The following GREM2 variants were observed in gnomAD, a reference collection of about 807,000 sequenced individuals.
The protein encoded by GREM2 is gremlin 2, DAN family BMP antagonist, also known as gremlin-2.
A neutral mutation model predicts 14.2 loss-of-function variants in GREM2; 11 were observed. That is an observed-to-expected ratio of 0.78 (90% confidence interval 0.49 to 1.28). The LOEUF is 1.28. GREM2 is among the 50% of genes most tolerant of loss of function. The pLI is 0.00. For missense variants in GREM2, 210 were observed against 218.5 expected, an observed-to-expected ratio of 0.96 and a Z score of 0.24; for synonymous variants, 98 against 97.6, an observed-to-expected ratio of 1.00 and a Z score of -0.02.
rs983889226 is a variant in GREM2, at chr1:240,491,473, C to T, written c.*1496G>A. 2 of 152,704 alleles carry T rather than the reference C, an allele frequency of 1.3e-5. No individual in the cohort carries two copies. Among genetic ancestry groups the T allele is most frequent in the Admixed American group, 6.5e-5 (1 of 15,298 alleles). 9.5% of individuals were successfully genotyped at this position (152,704 alleles called of 1,614,324 possible). A position where few individuals can be genotyped will look rare whatever the true frequency, so the allele number is the denominator to read the frequency against. ...GGAGCCCAGAAGAAGTATATAATTT[C>T]GCTGGAAAATAAGTTACGTCTACTT... On this transcript the variant is annotated 3_prime_UTR_variant, in exon 2 of 2. Transcript: ENST00000318160.
At chr1:240,532,045 T>A (rs544895374) in intron 1 of GREM2, among the ~76,000 whole-genome samples, 1 of 152,138 alleles carries the variant, frequency 6.6e-6, no homozygotes, top group South Asian at 2.1e-4. Flanking sequence ...TTTCCCTATA[T>A]AAAAAGTGAG....
In GREM2 at chr1:240,542,776, A is replaced by G. The variant is rs1237776779; in HGVS notation, c.-1-49300T>C. Among the ~76,000 whole-genome samples, 1 of 152,214 alleles carries G rather than the reference A, an allele frequency of 6.6e-6. No homozygotes were observed. The highest frequency in any genetic ancestry group is 1.5e-5 in the Non-Finnish European group (1 of 68,036). On this transcript the variant is annotated intron_variant, in intron 1 of 1. Coordinates refer to ENST00000318160, the MANE Select transcript of GREM2 (RefSeq NM_022469.4). This position sits in a 1 kb window ranked among gnomAD's most constrained non-coding sequence, Gnocchi z 4.1. The stretch of plus-strand genomic sequence containing the variant: ...AGATTATGAATCAAGCTTATCTGCA[A>G]TAAAACTTTGCTATGCTTCTGATTT...
At chr1:240,513,342 C>T (rs564683014) in intron 1 of GREM2, among the ~76,000 whole-genome samples, 31 of 152,008 alleles carry the variant, frequency 2.0e-4, no homozygotes, top group East Asian at 1.9e-3. Context: ...TTTGGGAGAC[C>T]GAGGCGGGCG....
chr1:240,500,730 A>G (rs554178856), intron 1 of GREM2, among the ~76,000 whole-genome samples: 3 of 152,354 alleles, frequency 2.0e-5, no homozygotes, highest in South Asian at 2.1e-4. Context: ...TGAATATTAA[A>G]GCACAGTTTA....
intron 1 of GREM2, among the ~76,000 whole-genome samples, chr1:240,562,625 A>G (rs1002624401): frequency 2.0e-5 from 3 of 152,178 alleles, no homozygotes; most frequent in East Asian, 1.9e-4. Flanking sequence ...GGGATTTCCA[A>G]TATCTCCAGA....
At chr1:240,499,274 C>G (rs1411174425) in intron 1 of GREM2, among the ~76,000 whole-genome samples, 6 of 152,190 alleles carry the variant, frequency 3.9e-5, no homozygotes, top group Non-Finnish European at 8.8e-5. Flanking sequence ...CCAAGAGTGG[C>G]CTTCTTGAGT....
At chr1:240,582,157 G>A (rs1679496952) in intron 1 of GREM2, among the ~76,000 whole-genome samples, 1 of 152,204 alleles carries the variant, frequency 6.6e-6, no homozygotes, top group African/African-American at 2.4e-5. Context: ...GTTTAGGATG[G>A]CCGGGCTCGA....
chr1:240,580,639 A>G (rs1427724818), intron 1 of GREM2, among the ~76,000 whole-genome samples: 1 of 152,168 alleles, frequency 6.6e-6, no homozygotes, highest in Admixed American at 6.5e-5. Flanking sequence ...CAGTGGCACA[A>G]TCATAGCTCA....
intron 1 of GREM2, among the ~76,000 whole-genome samples, chr1:240,511,686 G>C (rs900127377): frequency 6.6e-6 from 1 of 152,178 alleles, no homozygotes; most frequent in South Asian, 2.1e-4. Flanking sequence ...CTGAGAGGTG[G>C]AGTTTGCGGT....
intron 1 of GREM2, among the ~76,000 whole-genome samples, chr1:240,538,914 T>C (rs1678534165): frequency 6.6e-6 from 1 of 152,200 alleles, no homozygotes; most frequent in African/African-American, 2.4e-5. Context: ...GAACAATTTC[T>C]AGATATTGCA....
chr1:240,601,672 C>T (rs1018216183), intron 1 of GREM2, among the ~76,000 whole-genome samples: 6 of 152,034 alleles, frequency 3.9e-5, no homozygotes, highest in African/African-American at 1.2e-4. Context: ...TTTGAGAGGC[C>T]GAGGCGGGCA....
chr1:240,575,239 G>A (rs1029357080), intron 1 of GREM2, among the ~76,000 whole-genome samples: 6 of 152,060 alleles, frequency 3.9e-5, no homozygotes, highest in African/African-American at 1.4e-4. Context: ...TTCACCCCTC[G>A]GCCTTAGCTA....
intron 1 of GREM2, among the ~76,000 whole-genome samples, chr1:240,607,347 T>C (rs1298206276): frequency 6.6e-6 from 1 of 152,100 alleles, no homozygotes; most frequent in Non-Finnish European, 1.5e-5. Context: ...TCATAATTAC[T>C]AGATAACTCT....
intron 1 of GREM2, among the ~76,000 whole-genome samples, chr1:240,577,220 A>G (rs899465223): frequency 2.0e-5 from 3 of 152,200 alleles, no homozygotes; most frequent in Non-Finnish European, 2.9e-5. Context: ...CATTCCTGAA[A>G]ACTGACATGG....
Position 240,599,173 on chromosome 1 carries a change from C to G in GREM2, c.-2+12711G>C, listed in dbSNP as rs150256443. On this transcript the variant is annotated intron_variant, in intron 1 of 1. Transcript: ENST00000318160. Reference sequence around the variant, plus strand: ...GTCCCAGCTACTTGGGAGGCTGAGGCAGGAGAATTGCTTGAATCCAGGAGG... The same window carrying G: ...GTCCCAGCTACTTGGGAGGCTGAGGGAGGAGAATTGCTTGAATCCAGGAGG... 3.2e-3 allele frequency among the ~76,000 whole-genome samples: 488 copies of G among 151,048 alleles called. 3 individuals carry two copies. The highest frequency in any genetic ancestry group is 9.9e-3 in the African/African-American group (408 of 41,122).
chr1:240,497,950 G>T (rs535598005), intron 1 of GREM2, among the ~76,000 whole-genome samples: 7 of 152,140 alleles, frequency 4.6e-5, no homozygotes, highest in Non-Finnish European at 1.0e-4. Context: ...CCAAGAGTTT[G>T]CAAGTCCCAG....
intron 1 of GREM2, among the ~76,000 whole-genome samples, chr1:240,577,619 T>C (rs928835330): frequency 2.0e-5 from 3 of 152,212 alleles, no homozygotes; most frequent in African/African-American, 7.2e-5. Flanking sequence ...TTGAAAAATA[T>C]CATGAAACGT....
At chr1:240,521,316 C>T (rs548158447) in intron 1 of GREM2, among the ~76,000 whole-genome samples, 112 of 152,282 alleles carry the variant, frequency 7.4e-4, no homozygotes, top group Non-Finnish European at 1.2e-3. Flanking sequence ...CGCCTGTAAT[C>T]CCAGCACTTT....
At chr1:240,498,306 C>T (rs1487200096) in intron 1 of GREM2, among the ~76,000 whole-genome samples, 5 of 152,194 alleles carry the variant, frequency 3.3e-5, no homozygotes, top group Non-Finnish European at 7.3e-5. Context: ...GAGGAAATCT[C>T]GATGACTGGG....
Sources: allele counts gnomAD v4.1 joint callset (sites outside exome capture counted in the v4.1 genomes callset), GRCh38; gene constraint gnomAD v4.1.1; non-coding constraint Gnocchi (gnomAD v3.1); transcripts MANE v1.5; gene names NCBI Gene and HGNC (gene_info 2026-07-23, HGNC 2026-07-21).